The following SMOX variants were observed in gnomAD, a reference collection of about 807,000 sequenced individuals.
SMOX encodes the protein flavin containing amine oxidase.
In SMOX, 22 loss-of-function variants were observed where a neutral mutation model predicts 51.0. The ratio of observed to expected loss-of-function variants is 0.43; its 90% CI spans 0.31 to 0.62. The LOEUF is 0.62. Among genes scored for constraint, SMOX ranks in the 20% least tolerant of loss-of-function variants. The pLI is 0.10. For synonymous variants in SMOX, 282 were observed against 307.8 expected (o/e 0.92, Z 0.88); for missense variants, 566 against 777.7 (o/e 0.73, Z 3.24).
At chr20:4,184,597 C>CAG (rs11471729) in intron 6 of SMOX, among the ~76,000 whole-genome samples, 108,059 of 151,746 alleles carry the variant, frequency 0.71, 38,750 homozygotes, top group African/African-American at 0.78. Flanking sequence ...TAAAACTCAA[C>CAG]AGTTATATTT....
chr20:4,169,648 A>G (rs1986735110), intron 1 of SMOX, among the ~76,000 whole-genome samples: 1 of 152,100 alleles, frequency 6.6e-6, no homozygotes, highest in African/African-American at 2.4e-5. Context: ...CTGGGGTGAG[A>G]TGCCTGTGCT....
chr20:4,172,540 A>G lies in SMOX; in HGVS notation c.-26-2490A>G, dbSNP rs564489407. Among the ~76,000 whole-genome samples the G allele has an allele frequency of 1.0e-3, 159 of 152,016 alleles. 1 individual carries two copies. The highest frequency in any genetic ancestry group is 3.6e-3 in the African/African-American group (148 of 41,466). The stretch of plus-strand genomic sequence containing the variant: ...ATCTCTGGGGCGAGGGAGGAGAGGG[A>G]CGGGAGTCAGAGGACAGAGGCGGGG... On this transcript the variant is annotated intron_variant, in intron 1 of 6. Coordinates refer to ENST00000305958, the MANE Select transcript of SMOX (RefSeq NM_175839.3). The surrounding 1 kb of genome is among the most constrained non-coding windows in gnomAD (Gnocchi z 7.7).
intron 1 of SMOX, among the ~76,000 whole-genome samples, chr20:4,158,143 G>A (rs190739859): frequency 7.6e-4 from 115 of 151,332 alleles, no homozygotes; most frequent in African/African-American, 2.1e-3. Context: ...CTCGTGATCC[G>A]CCCGCCTTGG....
rs1021889748 is a variant in SMOX at position 4,170,929 on chromosome 20, G to T, written c.-26-4101G>T. Among the ~76,000 whole-genome samples, 6 of 152,124 alleles carry T rather than the reference G, an allele frequency of 3.9e-5. No homozygotes were observed. The highest frequency in any genetic ancestry group is 8.8e-5 in the Non-Finnish European group (6 of 68,024). On this transcript the variant is annotated intron_variant, in intron 1 of 6. Coordinates refer to ENST00000305958, the MANE Select transcript of SMOX (RefSeq NM_175839.3). This position sits in a 1 kb window ranked among gnomAD's most constrained non-coding sequence, Gnocchi z 4.6. ...CATGCCCTGGCTGGCCTGATTTCTT[G>T]GCACTCCTAGGCATTGCCTGCTTGG...
In SMOX at chr20:4,166,264, C is replaced by G. The variant is rs1014348444; in HGVS notation, c.-26-8766C>G. ...GGGGAAGTAACTGCAGTACCAAGCT[C>G]TGTTCTGGCCCATCTCTACCTGTGT... On this transcript the variant is annotated intron_variant, in intron 1 of 6. Coordinates refer to ENST00000305958, the MANE Select transcript of SMOX (RefSeq NM_175839.3). The surrounding 1 kb of genome is among the most constrained non-coding windows in gnomAD (Gnocchi z 4.2). Among the ~76,000 whole-genome samples the G allele has an allele frequency of 1.3e-5, 2 of 152,132 alleles. No homozygotes were observed. Among genetic ancestry groups the G allele is most frequent in the African/African-American group, 4.8e-5 (2 of 41,408 alleles).
chr20:4,175,104 C>T lies in SMOX; in HGVS notation c.49C>T (p.Arg17Cys), dbSNP rs1445629481. Residue 17 changes from arginine (R) to cysteine (C), a missense_variant, in exon 2 of 7, where the codon CGC becomes TGC. Arg to Cys is a radical substitution (Grantham distance 180). Around this residue, in one of 3 missense-constraint regions of SMOX, gnomAD observed 217 missense variants for 278.4 expected, o/e 0.78. Transcript: ENST00000305958. ...TGACAGTGCGGATGACCCTCTCAGTCGCGGCCTACGGAGAAGGGGACAGCC... is the reference window on the plus strand; with the variant it reads ...TGACAGTGCGGATGACCCTCTCAGTTGCGGCCTACGGAGAAGGGGACAGCC... The part of the protein sequence containing the change: ...SGDSADDPLS[R>C]GLRRRGQPRV... 7 of 1,614,084 alleles carry T rather than the reference C, an allele frequency of 4.3e-6. No homozygotes were observed. Among genetic ancestry groups the T allele is most frequent in the South Asian group, 2.2e-5 (2 of 91,080 alleles).
At chr20:4,186,884 A>G in intron 6 of SMOX, 1 of 773,502 alleles carries the variant, frequency 1.3e-6, no homozygotes, top group Non-Finnish European at 2.4e-6. Context: ...TCCAGGTTCT[A>G]AGTGCTTTAG....
In SMOX at chr20:4,175,863, G is replaced by A. The variant is rs572848635; in HGVS notation, c.208+600G>A. ...ATCTCAGAGAATGGGAAAATTGCCT[G>A]AAATCCCTAGGTCAGGGCTTCCCAA... On this transcript the variant is annotated intron_variant, in intron 2 of 6. Transcript: ENST00000305958. Among the ~76,000 whole-genome samples the A allele has an allele frequency of 4.5e-4, 53 of 118,504 alleles. 2 individuals carry two copies. In the South Asian group the frequency reaches 0.015, roughly 33 times the overall value. The allele number at this position is 118,504 out of a possible 152,430, so 77.7% of individuals were successfully genotyped here. A position where few individuals can be genotyped will look rare whatever the true frequency, so the allele number is the denominator to read the frequency against.
Position 4,182,283 on chromosome 20 carries a change from G to T in SMOX, c.804G>T (p.Gln268His). 6.2e-7 allele frequency: 1 copy of T among 1,610,690 alleles called. No homozygotes were observed. The highest frequency in any genetic ancestry group is 2.2e-5 in the East Asian group (1 of 44,736). The change falls in exon 5 of 7, where the codon CAG (glutamine) becomes CAT (histidine). Residue 268 changes from glutamine to histidine, a missense_variant. Gln to His is a conservative substitution (Grantham distance 24). This residue lies in a region of SMOX where 347 missense variants were observed against 481.8 expected (regional missense o/e 0.72). Coordinates refer to ENST00000305958, the MANE Select transcript of SMOX (RefSeq NM_175839.3). The surrounding 1 kb of genome is among the most constrained non-coding windows in gnomAD (Gnocchi z 8.4). ...CTGTCCGCTGCATTCACTGGGACCA[G>T]GCCTCAGCCCGCCCCAGAGGCCCTG... ...GKPVRCIHWDQASARPRGPEI... is the reference protein window; with the variant it reads ...GKPVRCIHWDHASARPRGPEI...
intron 1 of SMOX, among the ~76,000 whole-genome samples, chr20:4,152,276 GTGGGCAGCC>G (rs1326327809): frequency 1.3e-4 from 20 of 152,120 alleles, no homozygotes; most frequent in Non-Finnish European, 2.6e-4. Flanking sequence ...CTCACAAGAT[GTGGGCAGCC>G]TGGGCAGCCA....
chr20:4,159,592 CTG>C (rs1986214165), intron 1 of SMOX, among the ~76,000 whole-genome samples: 1 of 152,262 alleles, frequency 6.6e-6, no homozygotes, highest in African/African-American at 2.4e-5. Flanking sequence ...GCACTGCACT[CTG>C]TATCTCAGGT....
At position 4,149,813 on chromosome 20, in the gene SMOX, G is replaced by A. The variant is rs1213722810; in HGVS notation, c.-27+836G>A. Among the ~76,000 whole-genome samples, 8 of 152,176 alleles carry A rather than the reference G, an allele frequency of 5.3e-5. No individual in the cohort carries two copies. The highest frequency in any genetic ancestry group is 2.0e-4 in the Admixed American group (3 of 15,278). The stretch of plus-strand genomic sequence containing the variant: ...TTGTTTGCAGAACCTGCTGTTGGTG[G>A]CACATCACGTACCAGTCTGTGGGGG... On this transcript the variant is annotated intron_variant, in intron 1 of 6. Coordinates refer to ENST00000305958, the MANE Select transcript of SMOX (RefSeq NM_175839.3). The surrounding 1 kb of genome is among the most constrained non-coding windows in gnomAD (Gnocchi z 6.0).
chr20:4,175,650 G>A lies in SMOX; in HGVS notation c.208+387G>A, dbSNP rs78512692. Reference sequence around the variant, plus strand: ...GTGAATTAGTATAACATGACTGAGAGCTAGCCCTGGAGCAGTAGGATCCTG... The same window carrying A: ...GTGAATTAGTATAACATGACTGAGAACTAGCCCTGGAGCAGTAGGATCCTG... On this transcript the variant is annotated intron_variant, in intron 2 of 6. Transcript: ENST00000305958. Among the ~76,000 whole-genome samples the A allele has an allele frequency of 2.1e-3, 325 of 152,290 alleles. 4 individuals carry two copies. Among genetic ancestry groups the A allele is most frequent in the African/African-American group, 7.5e-3 (312 of 41,550 alleles).
At chr20:4,186,500 C>T (rs1425989234) in intron 6 of SMOX, among the ~76,000 whole-genome samples, 1 of 152,136 alleles carries the variant, frequency 6.6e-6, no homozygotes, top group Non-Finnish European at 1.5e-5. Context: ...CACTGTCCCC[C>T]GAGCAAGGCC....
chr20:4,159,631 C>T (rs770088275), intron 1 of SMOX, among the ~76,000 whole-genome samples: 2 of 152,118 alleles, frequency 1.3e-5, no homozygotes, highest in African/African-American at 4.8e-5. Flanking sequence ...AGAGTGATAA[C>T]AATGATGATA....
rs1436934271 is a variant in SMOX, at chr20:4,166,782, G to A, written c.-26-8248G>A. Among the ~76,000 whole-genome samples the A allele has an allele frequency of 6.6e-6, 1 of 152,198 alleles. No individual in the cohort carries two copies. On this transcript the variant is annotated intron_variant, in intron 1 of 6. Transcript: ENST00000305958. This position sits in a 1 kb window ranked among gnomAD's most constrained non-coding sequence, Gnocchi z 4.2. The stretch of plus-strand genomic sequence containing the variant: ...CGTGTCTTTGGCTCTGTCCCTCCAT[G>A]CACTGAATCAATGGCTGCTTCTCCT...
rs1235505711 is a variant in SMOX, at chr20:4,167,912, C to T, written c.-26-7118C>T. Among the ~76,000 whole-genome samples the T allele has an allele frequency of 2.6e-5, 4 of 152,028 alleles. No individual in the cohort carries two copies. Among genetic ancestry groups the T allele is most frequent in the African/African-American group, 9.7e-5 (4 of 41,388 alleles). On this transcript the variant is annotated intron_variant, in intron 1 of 6. Transcript: ENST00000305958. This position sits in a 1 kb window ranked among gnomAD's most constrained non-coding sequence, Gnocchi z 4.8. Reference sequence around the variant, plus strand: ...GGAGCCTCACCGCAGACACAGAGCCCCTTTGTCTGGGCCGTTGTGCAAAGC... The same window carrying T: ...GGAGCCTCACCGCAGACACAGAGCCTCTTTGTCTGGGCCGTTGTGCAAAGC...
rs1243178506 is a variant in SMOX, at chr20:4,149,055, C to T, written c.-27+78C>T. ...GCGCAGGCAGGGGCTGCGGCCGCCG[C>T]GAGAGGGTGAGGGGCCCGGAGCGGT... is the stretch of plus-strand genomic sequence containing the variant. On this transcript the variant is annotated intron_variant, in intron 1 of 6. Coordinates refer to ENST00000305958, the MANE Select transcript of SMOX (RefSeq NM_175839.3). The surrounding 1 kb of genome is among the most constrained non-coding windows in gnomAD (Gnocchi z 6.0). 1.3e-5 allele frequency: 2 copies of T among 149,798 alleles called. No individual in the cohort carries two copies. Among genetic ancestry groups the T allele is most frequent in the African/African-American group, 2.4e-5 (1 of 40,928 alleles). The allele number at this position is 149,798 out of a possible 1,614,324, so 9.3% of individuals were successfully genotyped here. A position where few individuals can be genotyped will look rare whatever the true frequency, so the allele number is the denominator to read the frequency against.
At chr20:4,171,660 G>A (rs1978400829) in intron 1 of SMOX, 1 of 152,248 alleles carries the variant, frequency 6.6e-6, no homozygotes, top group Non-Finnish European at 1.5e-5. Flanking sequence ...CATGTGCGAT[G>A]TCTGTTTGAG....
Sources: gnomAD v4.1 joint callset for allele counts (sites outside exome capture counted in the v4.1 genomes callset) on GRCh38, gnomAD v4.1.1 for gene constraint, gnomAD v4.1.1 regional missense constraint, Gnocchi (gnomAD v3.1) non-coding constraint, MANE v1.5 for transcripts, NCBI Gene and HGNC (gene_info 2026-07-23, HGNC 2026-07-21) for gene names.